The following CDH13 variants were observed in gnomAD, a reference collection of about 807,000 sequenced individuals.
CDH13 encodes the protein cadherin 13, also known as cadherin-13.
Under a neutral mutation model 63.8 loss-of-function variants are expected in CDH13, and 24 were observed. The observed-to-expected ratio is 0.38, with a 90% CI of 0.27 to 0.53. CDH13 has a LOEUF of 0.53. Ranked by LOEUF, CDH13 falls within the 20% of genes least tolerant of loss-of-function variation. The pLI is 0.85. For missense variants in CDH13, 1,049 were observed against 903.1 expected (o/e 1.16, Z -2.07); for synonymous variants, 503 against 355.3 (o/e 1.42, Z -4.67).
chr16:83,472,579 G>A (rs1180912447), intron 6 of CDH13, among the ~76,000 whole-genome samples: 1 of 152,202 alleles, frequency 6.6e-6, no homozygotes, highest in South Asian at 2.1e-4. Context: ...GCTCTCTTAA[G>A]TTGTGTCCAT....
intron 1 of CDH13, among the ~76,000 whole-genome samples, chr16:82,798,517 C>G (rs985276119): frequency 6.6e-6 from 1 of 152,118 alleles, no homozygotes; most frequent in Non-Finnish European, 1.5e-5. Flanking sequence ...GTGTGTGAGG[C>G]TGAAGGGATG....
intron 1 of CDH13, chr16:82,688,932 G>T (rs16958290): frequency 6.6e-6 from 1 of 152,070 alleles, no homozygotes; most frequent in African/African-American, 2.4e-5. Context: ...CAGGCTTCCT[G>T]GTCACTGCCA....
At chr16:83,112,934 T>C (rs1226611898) in intron 3 of CDH13, among the ~76,000 whole-genome samples, 2 of 152,182 alleles carry the variant, frequency 1.3e-5, no homozygotes, top group African/African-American at 4.8e-5. Flanking sequence ...ACAGCACTTA[T>C]AAAGGAGGAA....
intron 4 of CDH13, among the ~76,000 whole-genome samples, chr16:83,214,243 C>T (rs73608406): frequency 0.03 from 4,505 of 151,982 alleles, 211 homozygotes; most frequent in African/African-American, 0.1. Context: ...GAGCTGTTTC[C>T]AGAGCACTTC....
chr16:82,858,747 G>C, intron 2 of CDH13: 2 of 568,350 alleles, frequency 3.5e-6, no homozygotes, highest in Admixed American at 3.1e-5. Context: ...TCCAATGAGA[G>C]TTGTACACTG....
intron 11 of CDH13, among the ~76,000 whole-genome samples, chr16:83,765,889 C>G (rs1283086085): frequency 6.6e-6 from 1 of 151,848 alleles, no homozygotes; most frequent in Admixed American, 6.6e-5. Context: ...GAGTCCTGTT[C>G]AGATGACATA....
intron 3 of CDH13, 122 bp downstream of exon 3, chr16:83,032,340 A>T: frequency 1.3e-6 from 1 of 745,434 alleles, no homozygotes; most frequent in Non-Finnish European, 2.1e-6. Context: ...TTGTTGTTGC[A>T]AATGACAGAA....
At chr16:82,948,238 T>C (rs1442984013) in intron 2 of CDH13, among the ~76,000 whole-genome samples, 5 of 152,164 alleles carry the variant, frequency 3.3e-5, no homozygotes, top group Non-Finnish European at 5.9e-5. Flanking sequence ...TTTCTAAATT[T>C]TTAAGCCACA....
intron 6 of CDH13, among the ~76,000 whole-genome samples, chr16:83,472,901 G>A (rs894015398): frequency 6.6e-6 from 1 of 152,168 alleles, no homozygotes; most frequent in African/African-American, 2.4e-5. Flanking sequence ...GTTATCCCTT[G>A]AGTGGTGGCC....
intron 2 of CDH13, among the ~76,000 whole-genome samples, chr16:82,901,598 G>A (rs1054409285): frequency 2.0e-5 from 3 of 152,096 alleles, no homozygotes; most frequent in African/African-American, 4.8e-5. Context: ...GTTGCTTGGG[G>A]TATAATAATT....
chr16:82,874,469 G>T lies in CDH13; in HGVS notation c.157+15996G>T, dbSNP rs1228603883. Among the ~76,000 whole-genome samples, 3 of 151,578 alleles carry T rather than the reference G, an allele frequency of 2.0e-5. No individual in the cohort carries two copies. The East Asian group carries it at 5.8e-4, about 29-fold the overall frequency. ...GGCCACCCCCGAGAAGTGGCCAAGT[G>T]CTGCACCAGCTTTTTTCTTTTCCAT... is the stretch of plus-strand genomic sequence containing the variant. On this transcript the variant is annotated intron_variant, in intron 2 of 13. Transcript: ENST00000567109.
intron 6 of CDH13, among the ~76,000 whole-genome samples, chr16:83,353,347 C>G (rs554539638): frequency 2.0e-5 from 3 of 152,326 alleles, no homozygotes; most frequent in African/African-American, 7.2e-5. Flanking sequence ...TGGGATTTCC[C>G]TCCTCCATAT....
At chr16:82,741,222 T>G (rs950696130) in intron 1 of CDH13, among the ~76,000 whole-genome samples, 3 of 152,212 alleles carry the variant, frequency 2.0e-5, no homozygotes, top group African/African-American at 7.2e-5. Context: ...AGCTTTACAA[T>G]AACCTTCACA....
At chr16:83,560,909 C>T (rs905495166) in intron 7 of CDH13, among the ~76,000 whole-genome samples, 6 of 152,058 alleles carry the variant, frequency 3.9e-5, no homozygotes, top group Middle Eastern at 3.4e-3. Flanking sequence ...GCCCCCCCCC[C>T]GCCCCAGGGG....
chr16:83,665,883 C>T (rs554527984), intron 8 of CDH13, among the ~76,000 whole-genome samples: 14 of 152,176 alleles, frequency 9.2e-5, no homozygotes, highest in Non-Finnish European at 1.9e-4. Flanking sequence ...ATTCAAGTCC[C>T]TCTTCCTACT....
At chr16:83,447,096 CTTTTTTTTTTTT>C (rs750432481) in intron 6 of CDH13, among the ~76,000 whole-genome samples, 563 of 41,522 alleles carry the variant, frequency 0.014, 6 homozygotes, top group African/African-American at 0.046. Context: ...TTATAGTAAC[CTTTTTTTTTTTT>C]TTTTTTTTTT....
At chr16:83,773,992 G>A (rs1332870648) in intron 11 of CDH13, among the ~76,000 whole-genome samples, 2 of 152,092 alleles carry the variant, frequency 1.3e-5, no homozygotes, top group Non-Finnish European at 2.9e-5. Context: ...CAGCTCTGGG[G>A]TCTCATTTCT....
chr16:83,068,196 T>A (rs1398147465), intron 3 of CDH13, among the ~76,000 whole-genome samples: 1 of 152,216 alleles, frequency 6.6e-6, no homozygotes, highest in African/African-American at 2.4e-5. Context: ...AGAATCATAT[T>A]TCTATACATT....
intron 6 of CDH13, among the ~76,000 whole-genome samples, chr16:83,403,065 G>C (rs747863085): frequency 1.3e-5 from 2 of 152,106 alleles, no homozygotes; most frequent in Non-Finnish European, 2.9e-5. Flanking sequence ...AAGCCCAAGG[G>C]GCAAACTGGT....
Sources: allele counts gnomAD v4.1 joint callset (sites outside exome capture counted in the v4.1 genomes callset), GRCh38; gene constraint gnomAD v4.1.1; transcripts MANE v1.5; gene names NCBI Gene and HGNC (gene_info 2026-07-23, HGNC 2026-07-21).